Variants in COQ3 observed in about 807,000 individuals in gnomAD.
COQ3 encodes the protein coenzyme Q3, methyltransferase.
COQ3 carries 29 observed loss-of-function variants against 33.1 expected under a neutral mutation model. The observed-to-expected ratio is 0.88, with a 90% confidence interval of 0.65 to 1.19. COQ3 has a LOEUF of 1.19. Ranked by LOEUF, COQ3 falls within the 50% of genes most tolerant of loss-of-function variation. The pLI, the probability that COQ3 is intolerant of heterozygous loss-of-function variation, is 0.00. For synonymous variants in COQ3, 173 were observed against 157.8 expected (o/e 1.10, Z -0.72); for missense variants, 437 against 430.7 (o/e 1.01, Z -0.13).
intron 2 of COQ3, 31 bp downstream of exon 2, chr6:99,383,667 T>C (rs371786381): frequency 2.6e-6 from 4 of 1,512,880 alleles, no homozygotes; most frequent in Admixed American, 4.3e-5. Context: ...TATAATTACG[T>C]GAATATTTGC....
intron 1 of COQ3, among the ~76,000 whole-genome samples, chr6:99,393,764 A>G (rs1480993215): frequency 6.6e-6 from 1 of 152,260 alleles, no homozygotes; most frequent in East Asian, 1.9e-4. Context: ...GGAAAGATGC[A>G]TGACCTTCAG....
rs377538236 is a variant in COQ3, at chr6:99,371,478, G to A, written c.839C>T (p.Thr280Ile). ...IASIVPKGTH[T>I]WEKFVSPETL... ...TTCAGGTGAAACAAACTTCTCCCAT[G>A]TATGAGTACCTTTTGGTACAATACT... is the stretch of plus-strand genomic sequence containing the variant. Residue 280 changes from threonine (T) to isoleucine (I), a missense_variant, in exon 6 of 7, where the codon ACA becomes ATA. Physicochemically the swap from Thr to Ile is moderately conservative, Grantham distance 89. Transcript: ENST00000254759. 1.2e-6 allele frequency: 2 copies of A among 1,605,942 alleles called. No homozygotes were observed. Among genetic ancestry groups the A allele is most frequent in the East Asian group, 2.2e-5 (1 of 44,536 alleles).
chr6:99,379,155 T>A (rs1774395690), intron 3 of COQ3, among the ~76,000 whole-genome samples: 1 of 151,998 alleles, frequency 6.6e-6, no homozygotes, highest in African/African-American at 2.4e-5. Context: ...CCTAATGCTA[T>A]CCCTCGCCCC....
At chr6:99,393,139 C>T (rs1774876512) in intron 1 of COQ3, among the ~76,000 whole-genome samples, 1 of 151,658 alleles carries the variant, frequency 6.6e-6, no homozygotes, top group Admixed American at 6.6e-5. Context: ...TGCAAAATTT[C>T]TCTATATATC....
At chr6:99,378,063 T>C (rs1386790202) in intron 3 of COQ3, among the ~76,000 whole-genome samples, 2 of 145,064 alleles carry the variant, frequency 1.4e-5, no homozygotes, top group Admixed American at 7.0e-5. Flanking sequence ...TACACACATA[T>C]ACACACAAGT....
intron 1 of COQ3, among the ~76,000 whole-genome samples, chr6:99,392,486 A>C (rs578226893): frequency 2.8e-4 from 42 of 152,298 alleles, no homozygotes; most frequent in South Asian, 2.3e-3. Context: ...TGTCATGGCC[A>C]AAAAGGCCTC....
chr6:99,381,160 G>A (rs939881571), intron 2 of COQ3, among the ~76,000 whole-genome samples: 5 of 152,054 alleles, frequency 3.3e-5, no homozygotes, highest in African/African-American at 9.7e-5. Flanking sequence ...TAATTCTAAC[G>A]CAAGCACCCA....
intron 3 of COQ3, among the ~76,000 whole-genome samples, chr6:99,378,105 CATATATATATATATAT>C (rs57039767): frequency 0.036 from 2,745 of 77,188 alleles, 131 homozygotes; most frequent in East Asian, 0.2. Flanking sequence ...GTAAACTAAA[CATATATATATATATAT>C]ATATATATAT....
intron 1 of COQ3, among the ~76,000 whole-genome samples, chr6:99,387,566 T>C (rs1774686971): frequency 6.6e-6 from 1 of 152,198 alleles, no homozygotes; most frequent in African/African-American, 2.4e-5. Flanking sequence ...TAAAAACTTT[T>C]GGCAAACTAA....
At chr6:99,393,813 CA>C in intron 1 of COQ3, among the ~76,000 whole-genome samples, 1 of 152,238 alleles carries the variant, frequency 6.6e-6, no homozygotes, top group Non-Finnish European at 1.5e-5. Flanking sequence ...GCTCCTGGGG[CA>C]AGGAGCTCAG....
At chr6:99,382,000 T>C (rs926010479) in intron 2 of COQ3, among the ~76,000 whole-genome samples, 5 of 152,096 alleles carry the variant, frequency 3.3e-5, no homozygotes, top group African/African-American at 1.2e-4. Context: ...GTCCCCCTAT[T>C]TTAGCTCCTA....
At chr6:99,378,678 T>C (rs1055323478) in intron 3 of COQ3, among the ~76,000 whole-genome samples, 2 of 152,190 alleles carry the variant, frequency 1.3e-5, no homozygotes, top group Admixed American at 6.5e-5. Context: ...TGAACTAATG[T>C]CACTGTCCAG....
chr6:99,391,374 G>C (rs972566294), intron 1 of COQ3, among the ~76,000 whole-genome samples: 1 of 151,980 alleles, frequency 6.6e-6, no homozygotes, highest in African/African-American at 2.4e-5. Flanking sequence ...AAAGTGCCGG[G>C]ATTAAAGGTG....
rs941405353 is a variant in COQ3, at chr6:99,376,303, T to C, written c.487-121A>G. 43 of 1,005,536 alleles carry C rather than the reference T, an allele frequency of 4.3e-5. No individual in the cohort carries two copies. The South Asian group carries it at 6.6e-4, about 15-fold the overall frequency. The allele number at this position is 1,005,536 out of a possible 1,614,324, so 62.3% of individuals were successfully genotyped here. ...GGTGATAAATACTGGACATCATTTA[T>C]GGGTACATGGAAACTCATATACCAT... is the stretch of plus-strand genomic sequence containing the variant. On this transcript the variant is annotated intron_variant, in intron 4 of 6. Coordinates refer to ENST00000254759, the MANE Select transcript of COQ3 (RefSeq NM_017421.4).
At chr6:99,388,928 CACA>C (rs576383190) in intron 1 of COQ3, among the ~76,000 whole-genome samples, 251 of 124,178 alleles carry the variant, frequency 2.0e-3, no homozygotes, top group East Asian at 8.5e-3. Flanking sequence ...CACACACACA[CACA>C]CACCCACATC....
chr6:99,372,202 G>A (rs939345618), intron 5 of COQ3, among the ~76,000 whole-genome samples: 2 of 152,062 alleles, frequency 1.3e-5, no homozygotes, highest in African/African-American at 4.8e-5. Context: ...TCAGGAGTTT[G>A]AGACCAGACT....
In COQ3 at chr6:99,376,087, C is replaced by G; in HGVS notation, c.582G>C (p.Leu194=). 1 of 1,614,088 alleles carries G rather than the reference C, an allele frequency of 6.2e-7. No homozygotes were observed. Among genetic ancestry groups the G allele is most frequent in the Non-Finnish European group, 8.5e-7 (1 of 1,179,994 alleles). ...ACACTCTGTACTCTATTCTCTTATC[C>G]AGGACTGGATCAAATGATTTATGGC... ...AQCHKSFDPV[L]DKRIEYRVCS... The change falls in exon 5 of 7, where the codon CTG becomes CTC. Residue 194 remains leucine (L), a synonymous_variant. Transcript: ENST00000254759.
intron 4 of COQ3, among the ~76,000 whole-genome samples, chr6:99,376,940 G>A (rs974081596): frequency 6.6e-6 from 1 of 151,300 alleles, no homozygotes; most frequent in African/African-American, 2.4e-5. Flanking sequence ...TCTAGCCTGG[G>A]CAACAAGAGT....
intron 1 of COQ3, among the ~76,000 whole-genome samples, chr6:99,390,844 G>A (rs996487000): frequency 1.1e-4 from 17 of 152,180 alleles, no homozygotes; most frequent in South Asian, 4.1e-4. Flanking sequence ...ATAAACATGG[G>A]CCCCGTGCCC....
Sources: gnomAD v4.1 joint callset for allele counts (sites outside exome capture counted in the v4.1 genomes callset) on GRCh38, gnomAD v4.1.1 for gene constraint, MANE v1.5 for transcripts, NCBI Gene and HGNC (gene_info 2026-07-23, HGNC 2026-07-21) for gene names.